The following TENT2 variants were observed in gnomAD, a reference collection of about 807,000 sequenced individuals.
TENT2 encodes the protein terminal nucleotidyltransferase 2, also known as poly(A) RNA polymerase GLD2.
A neutral mutation model predicts 72.2 loss-of-function variants in TENT2; 44 were observed. That is an observed-to-expected ratio of 0.61 (90% CI 0.48 to 0.78). TENT2 has a LOEUF of 0.78. TENT2 is among the 30% of genes least tolerant of loss of function. The pLI is 0.00. For synonymous variants in TENT2, 212 were observed against 192.5 expected (o/e 1.10, Z -0.84); for missense variants, 541 against 569.6 (o/e 0.95, Z 0.51).
At chr5:79,663,914 A>G (rs959782739) in intron 11 of TENT2, among the ~76,000 whole-genome samples, 1 of 152,198 alleles carries the variant, frequency 6.6e-6, no homozygotes, top group African/African-American at 2.4e-5. Flanking sequence ...CTGTATATAT[A>G]CAGTGGGCGC....
intron 3 of TENT2, among the ~76,000 whole-genome samples, chr5:79,621,909 A>G (rs1765326013): frequency 6.6e-6 from 1 of 152,184 alleles, no homozygotes; most frequent in Non-Finnish European, 1.5e-5. Context: ...ACTTTTATGC[A>G]TTTAGCACTG....
At chr5:79,644,800 C>G (rs965513320) in intron 7 of TENT2, 1 of 200,554 alleles carries the variant, frequency 5.0e-6, no homozygotes. Flanking sequence ...TGATACCTTA[C>G]TGTGTGCTGT....
intron 3 of TENT2, among the ~76,000 whole-genome samples, chr5:79,621,116 AAT>A (rs569087614): frequency 9.2e-5 from 14 of 151,380 alleles, no homozygotes; most frequent in African/African-American, 3.2e-4. Context: ...AAAAAAAAAA[AAT>A]AACACTAGCT....
intron 4 of TENT2, among the ~76,000 whole-genome samples, chr5:79,632,073 C>A (rs1376811487): frequency 6.6e-6 from 1 of 152,032 alleles, no homozygotes; most frequent in African/African-American, 2.4e-5. Flanking sequence ...GTTTGAAATA[C>A]CATTTACTGA....
chr5:79,640,826 T>C (rs1422668410), intron 4 of TENT2, 25 bp from the exon 5 acceptor site: 4 of 1,501,268 alleles, frequency 2.7e-6, no homozygotes, highest in Non-Finnish European at 1.8e-6. Flanking sequence ...ACAAAACTTT[T>C]ACTTTTTTTT....
intron 12 of TENT2, among the ~76,000 whole-genome samples, chr5:79,678,453 C>G (rs1415488565): frequency 6.6e-6 from 1 of 151,618 alleles, no homozygotes; most frequent in Non-Finnish European, 1.5e-5. Flanking sequence ...AGCTGTTCCT[C>G]AAATTTATTT....
intron 7 of TENT2, among the ~76,000 whole-genome samples, chr5:79,644,126 T>C (rs1023619199): frequency 6.6e-6 from 1 of 152,030 alleles, no homozygotes; most frequent in Non-Finnish European, 1.5e-5. Context: ...GGATTACAGG[T>C]GTGTGCCACC....
chr5:79,633,103 A>G (rs1776856144), intron 4 of TENT2, among the ~76,000 whole-genome samples: 1 of 152,194 alleles, frequency 6.6e-6, no homozygotes, highest in Admixed American at 6.5e-5. Context: ...ATTTTGTTTC[A>G]GAATTGTTTA....
intron 8 of TENT2, among the ~76,000 whole-genome samples, chr5:79,647,362 G>A (rs933778140): frequency 6.6e-6 from 1 of 152,040 alleles, no homozygotes; most frequent in Non-Finnish European, 1.5e-5. Context: ...ATTCAATTTT[G>A]GAAAAATTTT....
At chr5:79,683,103 T>G (rs1038784522) in intron 14 of TENT2, among the ~76,000 whole-genome samples, 5 of 151,972 alleles carry the variant, frequency 3.3e-5, no homozygotes, top group African/African-American at 9.7e-5. Context: ...ATTATCAAGT[T>G]GCTGCACTTC....
At chr5:79,671,353 A>G (rs1051728017) in intron 12 of TENT2, among the ~76,000 whole-genome samples, 3 of 152,070 alleles carry the variant, frequency 2.0e-5, no homozygotes, top group Non-Finnish European at 2.9e-5. Flanking sequence ...AAAAATGTCT[A>G]TAAGGATTTC....
chr5:79,649,427 T>C (rs939583888), intron 10 of TENT2, among the ~76,000 whole-genome samples: 1 of 152,058 alleles, frequency 6.6e-6, no homozygotes, highest in African/African-American at 2.4e-5. Flanking sequence ...ATAGTCACTT[T>C]TGTTTTCAAA....
chr5:79,672,719 C>G (rs916258719), intron 12 of TENT2, among the ~76,000 whole-genome samples: 2 of 152,200 alleles, frequency 1.3e-5, no homozygotes, highest in Non-Finnish European at 1.5e-5. Flanking sequence ...TTGATGGACA[C>G]TTAAGTTCCT....
chr5:79,676,544 G>A (rs1283701828), intron 12 of TENT2, among the ~76,000 whole-genome samples: 4 of 152,094 alleles, frequency 2.6e-5, no homozygotes, highest in East Asian at 1.9e-4. Context: ...CTGGGATTGC[G>A]TCACTGCACT....
chr5:79,618,810 T>C (rs906432667), intron 1 of TENT2, among the ~76,000 whole-genome samples: 3 of 152,172 alleles, frequency 2.0e-5, no homozygotes, highest in African/African-American at 7.2e-5. Flanking sequence ...GACTCCCAAG[T>C]ATTATTATGT....
intron 12 of TENT2, among the ~76,000 whole-genome samples, chr5:79,678,991 C>T (rs1287120987): frequency 1.3e-5 from 2 of 152,122 alleles, no homozygotes; most frequent in Non-Finnish European, 1.5e-5. Flanking sequence ...CTGCAACCTC[C>T]GCCTCCTGGG....
At chr5:79,674,381 G>A (rs930833889) in intron 12 of TENT2, among the ~76,000 whole-genome samples, 3 of 152,300 alleles carry the variant, frequency 2.0e-5, no homozygotes, top group Middle Eastern at 3.4e-3. Flanking sequence ...CAGCCTGGGC[G>A]ACAGGGCGAG....
At chr5:79,675,013 A>G (rs1816090882) in intron 12 of TENT2, among the ~76,000 whole-genome samples, 1 of 152,206 alleles carries the variant, frequency 6.6e-6, no homozygotes, top group Non-Finnish European at 1.5e-5. Context: ...AAAGCATAGC[A>G]TTATTGGTGT....
At chr5:79,668,415 A>T (rs1810240001) in intron 11 of TENT2, among the ~76,000 whole-genome samples, 1 of 152,178 alleles carries the variant, frequency 6.6e-6, no homozygotes, top group Non-Finnish European at 1.5e-5. Context: ...TAGTATAAGT[A>T]CTATTTCTAT....
Sources: gnomAD v4.1 joint callset for allele counts (sites outside exome capture counted in the v4.1 genomes callset) on GRCh38, gnomAD v4.1.1 for gene constraint, MANE v1.5 for transcripts, NCBI Gene and HGNC (gene_info 2026-07-23, HGNC 2026-07-21) for gene names.